Variants in TOP2B observed in about 807,000 individuals in gnomAD.
TOP2B encodes the protein DNA topoisomerase 2-beta.
Under a neutral mutation model 193.5 loss-of-function variants are expected in TOP2B, and 51 were observed. The observed-to-expected ratio is 0.26, with a 90% CI of 0.21 to 0.33. The LOEUF (loss-of-function observed/expected upper bound fraction) is 0.33. Among genes scored for constraint, TOP2B ranks in the 10% least tolerant of loss-of-function variants. TOP2B has a pLI of 1.00. For synonymous variants in TOP2B, 634 were observed against 635.7 expected, an observed-to-expected ratio of 1.00 and a Z score of 0.04; for missense variants, 1,378 against 1,909.3, an observed-to-expected ratio of 0.72 and a Z score of 5.19.
In TOP2B at chr3:25,637,337, G is replaced by C. The variant is rs777462037; in HGVS notation, c.542-25C>G. The stretch of plus-strand genomic sequence containing the variant: ...CCTGTAAGAAAAATTAAATGTAAAA[G>C]GTTTAGTAAAAATGATTTTAAAGGA... On this transcript the variant is annotated intron_variant, in intron 5 of 35. Transcript: ENST00000264331. 5 of 1,502,090 alleles carry C rather than the reference G, an allele frequency of 3.3e-6. No homozygotes were observed. In the South Asian group the frequency reaches 4.9e-5, roughly 15 times the overall value. The allele number at this position is 1,502,090 out of a possible 1,614,324, so 93.0% of individuals were successfully genotyped here.
intron 32 of TOP2B, 53 bp from the exon 33 acceptor site, chr3:25,604,923 G>A (rs988143045): frequency 2.2e-5 from 30 of 1,354,564 alleles, no homozygotes; most frequent in Non-Finnish European, 2.9e-5. Flanking sequence ...AGATCTCTCA[G>A]TAAACTTTGA....
At chr3:25,653,210 G>C (rs1462030865) in intron 1 of TOP2B, among the ~76,000 whole-genome samples, 2 of 152,090 alleles carry the variant, frequency 1.3e-5, no homozygotes, top group African/African-American at 4.8e-5. Flanking sequence ...AATAATCAAA[G>C]AAGAATTAAC....
Position 25,609,590 on chromosome 3 carries a change from A to C in TOP2B, c.3909T>G (p.Pro1303=). 15 of 1,605,570 alleles carry C rather than the reference A, an allele frequency of 9.3e-6. No individual in the cohort carries two copies. Among genetic ancestry groups the C allele is most frequent in the Non-Finnish European group, 1.2e-5 (14 of 1,175,704 alleles). ...CACCAGGCTCCTTCTTCTCCCTCTT[A>C]GGTTTGGGACCTTTATTTATAGGAA... ...PSVPINKGPK[P]KREKKEPGTR... The change falls in exon 29 of 36, where the codon CCT becomes CCG. Residue 1303 remains proline (P), a synonymous_variant. Coordinates refer to ENST00000264331, the MANE Select transcript of TOP2B (RefSeq NM_001330700.2).
intron 1 of TOP2B, among the ~76,000 whole-genome samples, chr3:25,651,827 T>G (rs952925251): frequency 6.6e-6 from 1 of 151,126 alleles, no homozygotes; most frequent in East Asian, 1.9e-4. Flanking sequence ...ATTGTGCCAC[T>G]GTACTTCAGC....
intron 1 of TOP2B, among the ~76,000 whole-genome samples, chr3:25,651,389 A>G (rs996877899): frequency 1.3e-5 from 2 of 151,974 alleles, no homozygotes; most frequent in African/African-American, 2.4e-5. Flanking sequence ...AAAGTCAAGG[A>G]AAATATCTGT....
At chr3:25,642,825 CAAAGAA>C (rs1184261907) in intron 3 of TOP2B, among the ~76,000 whole-genome samples, 2 of 152,014 alleles carry the variant, frequency 1.3e-5, no homozygotes, top group African/African-American at 4.8e-5. Flanking sequence ...CAGTTACAAA[CAAAGAA>C]AAAGTCTTTA....
chr3:25,607,073 C>CT, intron 31 of TOP2B, 98 bp downstream of exon 31: 1 of 1,465,212 alleles, frequency 6.8e-7, no homozygotes, highest in African/African-American at 1.4e-5. Flanking sequence ...AAGAACTTGC[C>CT]TAGAATGATA....
intron 1 of TOP2B, among the ~76,000 whole-genome samples, chr3:25,646,196 A>G (rs1337080522): frequency 6.6e-6 from 1 of 152,134 alleles, no homozygotes; most frequent in African/African-American, 2.4e-5. Context: ...TAAGCTTCCC[A>G]CCATTAAGCT....
At chr3:25,662,268 C>CT (rs1371305017) in intron 1 of TOP2B, among the ~76,000 whole-genome samples, 2 of 152,194 alleles carry the variant, frequency 1.3e-5, no homozygotes, top group Non-Finnish European at 2.9e-5. Context: ...GTATCTGAAC[C>CT]TACATCAGCC....
chr3:25,614,487 G>A (rs1268318782), intron 27 of TOP2B, among the ~76,000 whole-genome samples: 5 of 151,910 alleles, frequency 3.3e-5, no homozygotes, highest in African/African-American at 4.8e-5. Context: ...AGGGAGCCTA[G>A]AAAAATAGCA....
chr3:25,639,042 T>TA (rs1703183703), intron 4 of TOP2B, among the ~76,000 whole-genome samples: 1 of 152,156 alleles, frequency 6.6e-6, no homozygotes, highest in Non-Finnish European at 1.5e-5. Context: ...ATCAACATAA[T>TA]AAAATACTTG....
At chr3:25,643,590 G>A (rs1364079254) in intron 3 of TOP2B, 104 bp downstream of exon 3, 3 of 783,794 alleles carry the variant, frequency 3.8e-6, no homozygotes, top group Admixed American at 4.4e-5. Context: ...AAAAGCCAGA[G>A]ATACACCTTT....
At chr3:25,641,263 T>C (rs1444224566) in intron 4 of TOP2B, among the ~76,000 whole-genome samples, 1 of 152,178 alleles carries the variant, frequency 6.6e-6, no homozygotes, top group Admixed American at 6.5e-5. Context: ...TCTTTCTTAG[T>C]TTTAATTAGA....
At position 25,598,392 on chromosome 3, in the gene TOP2B, C is replaced by A. The variant is rs184041688; in HGVS notation, c.4796G>T (p.Arg1599Leu). 1 of 1,613,516 alleles carries A rather than the reference C, an allele frequency of 6.2e-7. No homozygotes were observed. Among genetic ancestry groups the A allele is most frequent in the South Asian group, 1.1e-5 (1 of 91,036 alleles). Residue 1599 changes from arginine (R) to leucine (L), a missense_variant, in exon 36 of 36, where the codon CGA (arginine) becomes CTA (leucine). Physicochemically the swap from Arg to Leu is moderately radical, Grantham distance 102. This residue lies in a region of TOP2B where 556 missense variants were observed against 584.2 expected (regional missense o/e 0.95). Coordinates refer to ENST00000264331, the MANE Select transcript of TOP2B (RefSeq NM_001330700.2). ...DFPTEPPSLP[R>L]TGRARKEVKY... ...TACTTCTTTCCTAGCCCGACCGGTT[C>A]GTGGCAGAGAAGGTGGCTCAGTAGG...
chr3:25,613,253 T>C (rs1559494416), intron 27 of TOP2B, among the ~76,000 whole-genome samples: 1 of 152,202 alleles, frequency 6.6e-6, no homozygotes, highest in Non-Finnish European at 1.5e-5. Flanking sequence ...ATATCCTAGA[T>C]TTTGCATTTA....
At chr3:25,645,042 C>G (rs549151932) in intron 2 of TOP2B, among the ~76,000 whole-genome samples, 1 of 151,842 alleles carries the variant, frequency 6.6e-6, no homozygotes, top group East Asian at 2.0e-4. Flanking sequence ...GATCTCCTGA[C>G]CTTGTGATCC....
Position 25,601,180 on chromosome 3 carries a change from T to A in TOP2B, c.4535A>T (p.Lys1512Ile), listed in dbSNP as rs1702083641. 2 of 1,613,794 alleles carry A rather than the reference T, an allele frequency of 1.2e-6. No individual in the cohort carries two copies. The highest frequency in any genetic ancestry group is 1.7e-6 in the Non-Finnish European group (2 of 1,179,742). The change falls in exon 34 of 36, where the codon AAA becomes ATA. Residue 1512 changes from lysine (K) to isoleucine (I), a missense_variant. Physicochemically the swap from Lys to Ile is moderately radical, Grantham distance 102 (BLOSUM62 -3). This residue lies in a region of TOP2B where 556 missense variants were observed against 584.2 expected (regional missense o/e 0.95). Coordinates refer to ENST00000264331, the MANE Select transcript of TOP2B (RefSeq NM_001330700.2). ...TACAGCCTCTACTACTTTCTTCTGT[T>A]TTGGGGCTCTCTTGGGCTTAGGGAC... ...DTVPKPKRAP[K>I]QKKVVEAVNS...
intron 21 of TOP2B, among the ~76,000 whole-genome samples, chr3:25,623,225 C>T (rs371791910): frequency 6.6e-6 from 1 of 152,176 alleles, no homozygotes; most frequent in Non-Finnish European, 1.5e-5. Flanking sequence ...ATAATTTTAT[C>T]AGAAAAGGAT....
Position 25,615,228 on chromosome 3 carries a change from C to T in TOP2B, c.3568G>A (p.Ala1190Thr). ...SPSDLWKEDL[A>T]AFVEELDKVE... ...ACATCCAGTTCTTCAACAAATGCCG[C>T]TAAATCCTCTTTCCAAAGATCTGAA... is the stretch of plus-strand genomic sequence containing the variant. Residue 1190 changes from alanine (A) to threonine (T), a missense_variant, in exon 27 of 36, where the codon GCG becomes ACG. By Grantham distance (58) the Ala-to-Thr change is moderately conservative. This residue lies in a region of TOP2B where 556 missense variants were observed against 584.2 expected (regional missense o/e 0.95). Transcript: ENST00000264331. 1 of 1,612,468 alleles carries T rather than the reference C, an allele frequency of 6.2e-7. No homozygotes were observed. The highest frequency in any genetic ancestry group is 1.3e-5 in the African/African-American group (1 of 74,972).
Sources: allele counts gnomAD v4.1 joint callset (sites outside exome capture counted in the v4.1 genomes callset), GRCh38; gene constraint gnomAD v4.1.1; regional missense constraint gnomAD v4.1.1; transcripts MANE v1.5; gene names NCBI Gene and HGNC (gene_info 2026-07-23, HGNC 2026-07-21).